Variants in FLI1 observed in about 807,000 individuals in gnomAD.
FLI1 encodes Friend leukemia integration 1 transcription factor.
A neutral mutation model predicts 53.1 loss-of-function variants in FLI1; 13 were observed. The observed-to-expected ratio is 0.24, with a 90% CI of 0.16 to 0.39. FLI1 has a LOEUF of 0.39. FLI1 is among the 10% of genes least tolerant of loss of function. The pLI is 1.00. For synonymous variants in FLI1, 244 were observed against 236.7 expected, an observed-to-expected ratio of 1.03 and a Z score of -0.28; for missense variants, 424 against 600.5, an observed-to-expected ratio of 0.71 and a Z score of 3.07.
intron 5 of FLI1, among the ~76,000 whole-genome samples, chr11:128,782,650 T>A (rs747683217): frequency 6.6e-6 from 1 of 151,974 alleles, no homozygotes; most frequent in Non-Finnish European, 1.5e-5. Context: ...ATGAGCCGAG[T>A]TCGCGCCACT....
rs2268594 is a variant in FLI1 at position 128,772,643 on chromosome 11, G to T, written c.386-139G>T. 3 of 713,458 alleles carry T rather than the reference G, an allele frequency of 4.2e-6. No individual in the cohort carries two copies. The Admixed American group carries it at 6.7e-5, about 16-fold the overall frequency. The allele number at this position is 713,458 out of a possible 1,614,324, so 44.2% of individuals were successfully genotyped here. A position where few individuals can be genotyped will look rare whatever the true frequency, so the allele number is the denominator to read the frequency against. On this transcript the variant is annotated intron_variant, in intron 3 of 8. Transcript: ENST00000527786. ...CATGGAGCCTGATGAGTGTTCTAGGGGAACCATGTGGAAGGGAGCTCTCCC... is the reference window on the plus strand; with the variant it reads ...CATGGAGCCTGATGAGTGTTCTAGGTGAACCATGTGGAAGGGAGCTCTCCC...
rs139412729 is a variant in FLI1 at position 128,740,981 on chromosome 11, A to G, written c.19-17134A>G. ...CGTTGTTGTTAACCCAGAGGGAAAA[A>G]GGGAAGAGCTCCCAGGCACGTTGGC... On this transcript the variant is annotated intron_variant, in intron 1 of 8. Transcript: ENST00000527786. 6.6e-5 allele frequency among the ~76,000 whole-genome samples: 10 copies of G among 152,292 alleles called. No homozygotes were observed. The East Asian group carries it at 1.9e-3, about 29-fold the overall frequency.
At chr11:128,722,063 C>A (rs1238383298) in intron 1 of FLI1, among the ~76,000 whole-genome samples, 3 of 152,116 alleles carry the variant, frequency 2.0e-5, no homozygotes, top group Non-Finnish European at 2.9e-5. Context: ...AAAGACCCAC[C>A]CCGCAGAAAC....
chr11:128,744,826 A>C (rs1308219537), intron 1 of FLI1, among the ~76,000 whole-genome samples: 5 of 152,224 alleles, frequency 3.3e-5, no homozygotes, highest in Admixed American at 6.5e-5. Flanking sequence ...GATAGAACAT[A>C]AACTATGAAA....
intron 1 of FLI1, among the ~76,000 whole-genome samples, chr11:128,697,182 A>G (rs1266465466): frequency 6.6e-6 from 1 of 152,258 alleles, no homozygotes; most frequent in African/African-American, 2.4e-5. Context: ...TTGCTGCTTT[A>G]AGAAATGACC....
At chr11:128,787,889 C>T (rs1320545935) in intron 5 of FLI1, among the ~76,000 whole-genome samples, 1 of 149,262 alleles carries the variant, frequency 6.7e-6, no homozygotes, top group African/African-American at 2.5e-5. Flanking sequence ...TCACTGCAAG[C>T]TCCACCTCCC....
At chr11:128,688,811 C>A (rs940164409) in intron 1 of FLI1, among the ~76,000 whole-genome samples, 16 of 152,164 alleles carry the variant, frequency 1.1e-4, no homozygotes, top group Admixed American at 2.6e-4. Flanking sequence ...GATGGATAAC[C>A]GCAACGACAT....
At chr11:128,787,949 G>T (rs1319342507) in intron 5 of FLI1, among the ~76,000 whole-genome samples, 1 of 151,708 alleles carries the variant, frequency 6.6e-6, no homozygotes, top group Non-Finnish European at 1.5e-5. Flanking sequence ...TGGGACTACA[G>T]GTGCCCGCCA....
intron 1 of FLI1, among the ~76,000 whole-genome samples, chr11:128,750,158 C>T (rs1318036397): frequency 6.6e-6 from 1 of 152,230 alleles, no homozygotes; most frequent in Non-Finnish European, 1.5e-5. Context: ...GATTAGCCTT[C>T]CAGAGCCCTG....
At chr11:128,686,865 G>A (rs889833570) in intron 1 of FLI1, 7 of 189,670 alleles carry the variant, frequency 3.7e-5, no homozygotes, top group Admixed American at 2.3e-4. Flanking sequence ...CCAGATGAGA[G>A]TGGCACAGAC....
chr11:128,686,280 G>T (rs562218445), upstream of FLI1: 2 of 454,348 alleles, frequency 4.4e-6, no homozygotes, highest in East Asian at 1.4e-4. Context: ...AGAACATCCT[G>T]GTTTCCAGAA....
upstream of FLI1, among the ~76,000 whole-genome samples, chr11:128,691,063 G>C (rs995817865): frequency 6.6e-6 from 1 of 152,116 alleles, no homozygotes. Context: ...AGAGGGAAGG[G>C]GAGGTCTGCC....
intron 2 of FLI1, among the ~76,000 whole-genome samples, chr11:128,764,219 C>A (rs1480189671): frequency 6.6e-6 from 1 of 152,200 alleles, no homozygotes; most frequent in African/African-American, 2.4e-5. Flanking sequence ...TCCCTTCATC[C>A]AAACACCCAA....
At chr11:128,723,039 G>A (rs369552328) in intron 1 of FLI1, among the ~76,000 whole-genome samples, 8 of 152,148 alleles carry the variant, frequency 5.3e-5, no homozygotes, top group Admixed American at 1.3e-4. Flanking sequence ...GTGTATCTGC[G>A]TGGTAGAAAG....
At chr11:128,718,835 C>T (rs555495464) in intron 1 of FLI1, among the ~76,000 whole-genome samples, 1 of 152,082 alleles carries the variant, frequency 6.6e-6, no homozygotes, top group South Asian at 2.1e-4. Flanking sequence ...TCGGTGAGAC[C>T]AGCAGAGCAG....
intron 3 of FLI1, among the ~76,000 whole-genome samples, chr11:128,771,642 TAAATC>T (rs964150703): frequency 3.3e-5 from 5 of 152,194 alleles, no homozygotes; most frequent in African/African-American, 7.2e-5. Context: ...ATAAATATGT[TAAATC>T]AAACAGGCTC....
At chr11:128,800,965 G>A (rs962578493) in intron 5 of FLI1, among the ~76,000 whole-genome samples, 5 of 152,166 alleles carry the variant, frequency 3.3e-5, no homozygotes, top group South Asian at 2.1e-4. Flanking sequence ...CAGCCTTCAC[G>A]ACAGTGAAAA....
chr11:128,686,598 C>A (rs534901571), exon 1 of FLI1: 10 of 400,128 alleles, frequency 2.5e-5, no homozygotes, highest in South Asian at 1.6e-4. Context: ...GCTCCACTCG[C>A]GGGTAACCGA....
chr11:128,778,370 G>A (rs578057144), intron 4 of FLI1, among the ~76,000 whole-genome samples: 5 of 152,232 alleles, frequency 3.3e-5, no homozygotes, highest in East Asian at 1.9e-4. Context: ...CCCCACAACC[G>A]CTTCCTCCAC....
Sources: allele counts gnomAD v4.1 joint callset (sites outside exome capture counted in the v4.1 genomes callset), GRCh38; gene constraint gnomAD v4.1.1; transcripts MANE v1.5; gene names NCBI Gene and HGNC (gene_info 2026-07-23, HGNC 2026-07-21).